CDH18: variants seen among roughly 807,000 people sequenced by gnomAD.
CDH18 encodes cadherin-18.
A neutral mutation model predicts 67.9 loss-of-function variants in CDH18; 31 were observed. That is an observed-to-expected ratio of 0.46 (90% CI 0.34 to 0.62). The LOEUF (loss-of-function observed/expected upper bound fraction) is 0.62. Among genes scored for constraint, CDH18 ranks in the 20% least tolerant of loss-of-function variants. CDH18 has a pLI of 0.01. For missense variants in CDH18, 890 were observed against 975.5 expected (o/e 0.91, Z 1.17); for synonymous variants, 362 against 347.2 (o/e 1.04, Z -0.48).
At chr5:20,380,546 T>C (rs1743829033) in intron 1 of CDH18, among the ~76,000 whole-genome samples, 1 of 152,190 alleles carries the variant, frequency 6.6e-6, no homozygotes, top group Non-Finnish European at 1.5e-5. Context: ...GCCTCATTTT[T>C]ACCTAAAGCA....
rs145472116 is a variant in CDH18 at position 19,966,879 on chromosome 5, A to G, written c.-257+14181T>C. On this transcript the variant is annotated intron_variant, in intron 2 of 12. Coordinates refer to ENST00000382275, the MANE Select transcript of CDH18 (RefSeq NM_004934.5). ...ATTTTAAAATAAAACATAATAAAAG[A>G]TGGCTACATAACAAAAATTACAGTT... Among the ~76,000 whole-genome samples the G allele has an allele frequency of 2.9e-4, 44 of 152,206 alleles. No homozygotes were observed. The East Asian group carries it at 5.0e-3, about 17-fold the overall frequency.
At chr5:19,498,684 C>T (rs1742738140) in intron 11 of CDH18, among the ~76,000 whole-genome samples, 1 of 152,072 alleles carries the variant, frequency 6.6e-6, no homozygotes, top group African/African-American at 2.4e-5. Flanking sequence ...ATTGCCTCTC[C>T]AGACAACTCT....
At chr5:20,213,546 A>C (rs890627200) in intron 2 of CDH18, among the ~76,000 whole-genome samples, 4 of 151,958 alleles carry the variant, frequency 2.6e-5, no homozygotes, top group African/African-American at 9.7e-5. Context: ...TACTGATTCA[A>C]TTTCAGAGCT....
chr5:19,913,524 T>A (rs146811955), intron 2 of CDH18, among the ~76,000 whole-genome samples: 1 of 152,260 alleles, frequency 6.6e-6, no homozygotes, highest in East Asian at 1.9e-4. Flanking sequence ...AACTAAACAG[T>A]TTTTCTATCA....
intron 2 of CDH18, among the ~76,000 whole-genome samples, chr5:20,193,358 C>G (rs1223276874): frequency 2.0e-5 from 3 of 152,024 alleles, no homozygotes; most frequent in African/African-American, 7.2e-5. Flanking sequence ...TATTCCTGGA[C>G]ACATACACCC....
At chr5:19,929,360 T>C (rs1032565769) in intron 2 of CDH18, among the ~76,000 whole-genome samples, 27 of 152,072 alleles carry the variant, frequency 1.8e-4, no homozygotes, top group African/African-American at 6.5e-4. Context: ...CATTACTATA[T>C]GCAGAGGACA....
intron 2 of CDH18, among the ~76,000 whole-genome samples, chr5:20,235,662 T>C (rs1241638116): frequency 6.6e-6 from 1 of 152,206 alleles, no homozygotes; most frequent in African/African-American, 2.4e-5. Flanking sequence ...AGAGAACGTT[T>C]ACACACTATT....
chr5:20,022,238 A>C (rs1561721698), intron 2 of CDH18, among the ~76,000 whole-genome samples: 1 of 152,234 alleles, frequency 6.6e-6, no homozygotes, highest in South Asian at 2.1e-4. Context: ...GTTGTACTAT[A>C]ATACAGGTAC....
intron 2 of CDH18, among the ~76,000 whole-genome samples, chr5:19,939,856 G>C (rs556498228): frequency 6.6e-6 from 1 of 151,930 alleles, no homozygotes; most frequent in Non-Finnish European, 1.5e-5. Context: ...CAATTTAAAG[G>C]AGACTTTACT....
At chr5:20,294,658 A>G (rs1015924570) in intron 1 of CDH18, among the ~76,000 whole-genome samples, 2 of 152,118 alleles carry the variant, frequency 1.3e-5, no homozygotes, top group African/African-American at 4.8e-5. Context: ...TCCCATTTGT[A>G]TTTCCCAAGG....
intron 11 of CDH18, among the ~76,000 whole-genome samples, chr5:19,492,352 C>T (rs1371239446): frequency 1.3e-5 from 2 of 152,084 alleles, no homozygotes; most frequent in Non-Finnish European, 2.9e-5. Flanking sequence ...GATTAGGTTG[C>T]ACTTGCATAT....
intron 1 of CDH18, among the ~76,000 whole-genome samples, chr5:20,489,461 T>C (rs2126375068): frequency 6.6e-6 from 1 of 152,212 alleles, no homozygotes; most frequent in South Asian, 2.1e-4. Context: ...AACTTTTAGA[T>C]GGATAATTAT....
intron 2 of CDH18, among the ~76,000 whole-genome samples, chr5:19,916,038 C>G (rs935532808): frequency 6.6e-6 from 1 of 152,116 alleles, no homozygotes. Context: ...CTAGACTTCC[C>G]TCTTTGTCTG....
At position 19,472,318 on chromosome 5, in the gene CDH18, G is replaced by C. The variant is rs770296; in HGVS notation, c.*908C>G. 0.42 allele frequency among the ~76,000 whole-genome samples: 63,398 copies of C among 151,698 alleles called. 13,714 individuals are homozygous for C. Among genetic ancestry groups the C allele is most frequent in the African/African-American group, 0.52 (21,458 of 41,332 alleles). The stretch of plus-strand genomic sequence containing the variant: ...AATATTTGACAATTAATTTTAAATA[G>C]AGAAATGACCAAAATTGCTGATTTA... On this transcript the variant is annotated 3_prime_UTR_variant, in exon 13 of 13. Coordinates refer to ENST00000382275, the MANE Select transcript of CDH18 (RefSeq NM_004934.5).
rs537369210 is a variant in CDH18 at position 20,102,398 on chromosome 5, C to T, written c.-517-110384G>A. ...CATTGATTTCTAAGAGTCTTCCAAG[C>T]GTAATCAATGGATGGCTTCCGCAAA... On this transcript the variant is annotated intron_variant, in intron 2 of 14. Coordinates refer to the CDH18 transcript ENST00000507958. 3.9e-4 allele frequency among the ~76,000 whole-genome samples: 60 copies of T among 152,196 alleles called. 1 individual carries two copies. In the South Asian group the frequency reaches 9.3e-3, roughly 24 times the overall value.
chr5:20,055,054 C>A (rs570046050), intron 2 of CDH18, among the ~76,000 whole-genome samples: 2 of 152,176 alleles, frequency 1.3e-5, no homozygotes, highest in African/African-American at 4.8e-5. Flanking sequence ...CTGTGAAAGA[C>A]AACCAACACA....
rs1755665950 is a variant in CDH18 at position 20,520,259 on chromosome 5, T to G, written c.-580+55203A>C. Among the ~76,000 whole-genome samples the G allele has an allele frequency of 2.0e-5, 3 of 152,102 alleles. No homozygotes were observed. In the South Asian group the frequency reaches 6.2e-4, roughly 31 times the overall value. ...AAGTTTCAGAGAAATGTTTCTATAATTTCTGTTTCAGAGAAATGTTTCTAT... is the reference window on the plus strand; with the variant it reads ...AAGTTTCAGAGAAATGTTTCTATAAGTTCTGTTTCAGAGAAATGTTTCTAT... On this transcript the variant is annotated intron_variant, in intron 1 of 14. Coordinates refer to the CDH18 transcript ENST00000507958.
At chr5:20,390,962 C>G (rs1412159237) in intron 1 of CDH18, among the ~76,000 whole-genome samples, 1 of 151,782 alleles carries the variant, frequency 6.6e-6, no homozygotes, top group African/African-American at 2.4e-5. Context: ...GGAAGGGGAA[C>G]GTCACACACT....
chr5:19,493,465 T>A (rs1741796073), intron 11 of CDH18, among the ~76,000 whole-genome samples: 1 of 151,970 alleles, frequency 6.6e-6, no homozygotes, highest in Non-Finnish European at 1.5e-5. Flanking sequence ...TGATGATAAA[T>A]AATAATTTGA....
Sources: gnomAD v4.1 joint callset for allele counts (sites outside exome capture counted in the v4.1 genomes callset) on GRCh38, gnomAD v4.1.1 for gene constraint, MANE v1.5 for transcripts, NCBI Gene and HGNC (gene_info 2026-07-23, HGNC 2026-07-21) for gene names.